SLC24A2: variants seen among roughly 807,000 people sequenced by gnomAD.
SLC24A2 encodes solute carrier family 24 member 2, also known as sodium/potassium/calcium exchanger 2.
Under a neutral mutation model 62.0 loss-of-function variants are expected in SLC24A2, and 36 were observed. That is an observed-to-expected ratio of 0.58 (90% CI 0.44 to 0.77). SLC24A2 has a LOEUF of 0.77. Among genes scored for constraint, SLC24A2 ranks in the 30% least tolerant of loss-of-function variants. The pLI, the probability that SLC24A2 is intolerant of heterozygous loss-of-function variation, is 0.00. For missense variants in SLC24A2, 846 were observed against 817.9 expected, an observed-to-expected ratio of 1.03 and a Z score of -0.42; for synonymous variants, 358 against 294.0, an observed-to-expected ratio of 1.22 and a Z score of -2.23.
chr9:19,699,574 A>G (rs1820296375), intron 2 of SLC24A2, among the ~76,000 whole-genome samples: 1 of 152,234 alleles, frequency 6.6e-6, no homozygotes, highest in African/African-American at 2.4e-5. Flanking sequence ...TCCAATGTTA[A>G]TTAGAAAACC....
chr9:20,132,121 C>T, the SLC24A2 span, among the ~76,000 whole-genome samples: 22 of 151,994 alleles, frequency 1.4e-4, no homozygotes, highest in African/African-American at 5.3e-4. Flanking sequence ...AACCAGTTAG[C>T]AGTTGAACTT....
At chr9:19,709,434 C>A (rs201250260) in intron 2 of SLC24A2, among the ~76,000 whole-genome samples, 2 of 151,930 alleles carry the variant, frequency 1.3e-5, no homozygotes, top group Non-Finnish European at 2.9e-5. Flanking sequence ...TAAATCATGC[C>A]GTTATAAAGA....
the SLC24A2 span, among the ~76,000 whole-genome samples, chr9:20,014,722 G>C: frequency 2.0e-5 from 3 of 152,052 alleles, no homozygotes; most frequent in Non-Finnish European, 4.4e-5. Flanking sequence ...GTTACCAGAG[G>C]CTGGGGAGAG....
At chr9:19,846,627 A>T in the SLC24A2 span, among the ~76,000 whole-genome samples, 1 of 152,186 alleles carries the variant, frequency 6.6e-6, no homozygotes, top group African/African-American at 2.4e-5. Flanking sequence ...TGATCTTATT[A>T]CAAAGTTGTT....
chr9:20,189,803 C>T, the SLC24A2 span, among the ~76,000 whole-genome samples: 1 of 139,698 alleles, frequency 7.2e-6, no homozygotes, highest in Non-Finnish European at 1.5e-5. Flanking sequence ...ATTATGATCC[C>T]CCTGGAAGAG....
At chr9:20,086,304 G>A in the SLC24A2 span, among the ~76,000 whole-genome samples, 3 of 152,060 alleles carry the variant, frequency 2.0e-5, no homozygotes, top group East Asian at 1.9e-4. Flanking sequence ...CACATGGCCC[G>A]TATTTCCAGT....
chr9:19,587,786 C>T (rs1417650193), intron 5 of SLC24A2, among the ~76,000 whole-genome samples: 1 of 152,134 alleles, frequency 6.6e-6, no homozygotes, highest in African/African-American at 2.4e-5. Flanking sequence ...CAAAAAGAAG[C>T]ATCCACAATT....
chr9:19,961,802 A>T, the SLC24A2 span, among the ~76,000 whole-genome samples: 1 of 152,214 alleles, frequency 6.6e-6, no homozygotes, highest in Non-Finnish European at 1.5e-5. Flanking sequence ...TGTTGTGAGC[A>T]GCGCCATGGG....
the SLC24A2 span, among the ~76,000 whole-genome samples, chr9:19,829,594 C>T: frequency 2.6e-5 from 4 of 151,500 alleles, no homozygotes; most frequent in Admixed American, 6.6e-5. Context: ...AGCTGGGCAT[C>T]GTGACTTGTG....
the SLC24A2 span, among the ~76,000 whole-genome samples, chr9:20,251,094 A>C: frequency 6.6e-6 from 1 of 152,246 alleles, no homozygotes; most frequent in African/African-American, 2.4e-5. Context: ...GCAGTGAAAA[A>C]GGAAAAGCAC....
At chr9:19,908,389 A>G in the SLC24A2 span, among the ~76,000 whole-genome samples, 2 of 152,184 alleles carry the variant, frequency 1.3e-5, no homozygotes, top group African/African-American at 2.4e-5. Flanking sequence ...ACCCTAGAAG[A>G]AAACCTAGGC....
At chr9:20,234,222 G>A in the SLC24A2 span, among the ~76,000 whole-genome samples, 4 of 151,948 alleles carry the variant, frequency 2.6e-5, no homozygotes, top group South Asian at 2.1e-4. Flanking sequence ...TGCTCTTCTC[G>A]AGGAGTATCT....
intron 2 of SLC24A2, among the ~76,000 whole-genome samples, chr9:19,769,700 A>T (rs1460536042): frequency 1.3e-5 from 2 of 152,198 alleles, no homozygotes; most frequent in Non-Finnish European, 2.9e-5. Context: ...CACTACCCAG[A>T]GATGCATGGC....
the SLC24A2 span, among the ~76,000 whole-genome samples, chr9:19,888,082 A>T: frequency 6.6e-6 from 1 of 152,194 alleles, no homozygotes; most frequent in South Asian, 2.1e-4. Context: ...TAAAGAACTT[A>T]TTCACGTAAC....
the SLC24A2 span, among the ~76,000 whole-genome samples, chr9:20,101,465 T>C: frequency 3.3e-5 from 5 of 152,232 alleles, no homozygotes; most frequent in African/African-American, 7.2e-5. Context: ...AGAAGACTTA[T>C]TAAAACAGCC....
the SLC24A2 span, among the ~76,000 whole-genome samples, chr9:20,274,570 C>T: frequency 6.6e-6 from 1 of 152,076 alleles, no homozygotes; most frequent in African/African-American, 2.4e-5. Context: ...ACTGTGGAGT[C>T]AGAGAGTTCA....
At chr9:19,996,381 A>G in the SLC24A2 span, among the ~76,000 whole-genome samples, 1 of 152,038 alleles carries the variant, frequency 6.6e-6, no homozygotes, top group South Asian at 2.1e-4. Context: ...TATGTGTTCC[A>G]CTCCGTAACA....
At chr9:19,875,948 T>A in the SLC24A2 span, among the ~76,000 whole-genome samples, 1 of 152,184 alleles carries the variant, frequency 6.6e-6, no homozygotes, top group African/African-American at 2.4e-5. Context: ...AGCAACCTTA[T>A]CCAATACTTC....
intron 2 of SLC24A2, among the ~76,000 whole-genome samples, chr9:19,708,382 C>G (rs1820601141): frequency 1.3e-5 from 2 of 152,220 alleles, no homozygotes; most frequent in African/African-American, 4.8e-5. Context: ...CAATGACTTT[C>G]TTCACAGAAT....
Sources: gnomAD v4.1 joint callset for allele counts (sites outside exome capture counted in the v4.1 genomes callset) on GRCh38, gnomAD v4.1.1 for gene constraint, MANE v1.5 for transcripts, NCBI Gene and HGNC (gene_info 2026-07-23, HGNC 2026-07-21) for gene names.